TBC1D30: variants seen among roughly 807,000 people sequenced by gnomAD.
The protein encoded by TBC1D30 is TBC1 domain family member 30.
Under a neutral mutation model 63.2 loss-of-function variants are expected in TBC1D30, and 31 were observed. That is an observed-to-expected ratio of 0.49 (90% confidence interval 0.37 to 0.66). TBC1D30 has a LOEUF of 0.66. Among genes scored for constraint, TBC1D30 ranks in the 30% least tolerant of loss-of-function variants. The pLI is 0.00. For missense variants in TBC1D30, 810 were observed against 953.6 expected (o/e 0.85, Z 1.98); for synonymous variants, 307 against 361.5 (o/e 0.85, Z 1.71).
rs939078638 is a variant in TBC1D30 at position 64,843,498 on chromosome 12, C to A, written c.1038+13C>A. ...TGAACTCATGCAGGTGAGTCGGCAA[C>A]ATGGAGCAGCTTGGCTCGGGGAACC... is the stretch of plus-strand genomic sequence containing the variant. On this transcript the variant is annotated intron_variant, in intron 8 of 11. Transcript: ENST00000539867. 3.9e-6 allele frequency: 6 copies of A among 1,534,252 alleles called. No individual in the cohort carries two copies. The highest frequency in any genetic ancestry group is 2.0e-5 in the Admixed American group (1 of 50,974).
At chr12:64,832,470 G>A (rs938318198) in intron 5 of TBC1D30, among the ~76,000 whole-genome samples, 166 bp downstream of exon 5, 2 of 152,252 alleles carry the variant, frequency 1.3e-5, no homozygotes, top group East Asian at 3.8e-4. Flanking sequence ...TCAAGTGACA[G>A]ATTCATGTAG....
chr12:64,803,147 C>T (rs1872680280), intron 2 of TBC1D30, among the ~76,000 whole-genome samples: 1 of 152,226 alleles, frequency 6.6e-6, no homozygotes, highest in African/African-American at 2.4e-5. Context: ...TCCCCATCCT[C>T]TCTAGCACCT....
Position 64,828,505 on chromosome 12 carries a change from G to A in TBC1D30, c.278G>A (p.Arg93Lys). ...ACAGGAATACCAAAGGAATGGAGGA[G>A]AAAGGTAAGGAGGACTCATAGGGCT... ...LSTGIPKEWR[R>K]KVWLTLADHY... The change falls in exon 3 of 12, where the codon AGA becomes AAA. Residue 93 changes from arginine (R) to lysine (K), a missense_variant. Around this residue, in one of 4 missense-constraint regions of TBC1D30, gnomAD observed 272 missense variants for 335.9 expected, o/e 0.81. Coordinates refer to ENST00000539867, the MANE Select transcript of TBC1D30 (RefSeq NM_015279.2). The A allele has an allele frequency of 6.5e-7, 1 of 1,534,570 alleles. No individual in the cohort carries two copies. The highest frequency in any genetic ancestry group is 8.7e-7 in the Non-Finnish European group (1 of 1,145,576).
At position 64,879,200 on chromosome 12, in the gene TBC1D30, T is replaced by A. The variant is rs1191536726; in HGVS notation, c.*3412T>A. 6.6e-6 allele frequency: 1 copy of A among 152,264 alleles called. No individual in the cohort carries two copies. Among genetic ancestry groups the A allele is most frequent in the Non-Finnish European group, 1.5e-5 (1 of 68,044 alleles). 9.4% of individuals were successfully genotyped at this position (152,264 alleles called of 1,614,324 possible). A position where few individuals can be genotyped will look rare whatever the true frequency, so the allele number is the denominator to read the frequency against. On this transcript the variant is annotated 3_prime_UTR_variant, in exon 12 of 12. Transcript: ENST00000539867. ...TTGTGTATGTGTGTACACGCCATTA[T>A]CTACAAAAAAGTTATGTTGAACATG...
chr12:64,769,896 A>G (rs1870844518), intron 1 of TBC1D30, among the ~76,000 whole-genome samples: 1 of 152,206 alleles, frequency 6.6e-6, no homozygotes, highest in African/African-American at 2.4e-5. Flanking sequence ...TGTAAAGTAT[A>G]AATTGTAATT....
intron 1 of TBC1D30, among the ~76,000 whole-genome samples, chr12:64,783,051 A>C (rs1334631072): frequency 6.6e-6 from 1 of 152,222 alleles, no homozygotes. Context: ...GGCTCAAAAA[A>C]TATTCCCCCC....
upstream of TBC1D30, among the ~76,000 whole-genome samples, chr12:64,777,064 A>G (rs1871101991): frequency 6.6e-6 from 1 of 152,228 alleles, no homozygotes; most frequent in Non-Finnish European, 1.5e-5. Flanking sequence ...ACATCCATTC[A>G]TGTTAAAAAC....
rs11829183 is a variant in TBC1D30 at position 64,832,029 on chromosome 12, G to T, written c.409-90G>T. ...TAAAAAAATTTTATGTCGATGATTT[G>T]ACTCTGTTTATTGAGTCAAAAAAAA... On this transcript the variant is annotated intron_variant, in intron 4 of 11. Coordinates refer to ENST00000539867, the MANE Select transcript of TBC1D30 (RefSeq NM_015279.2). 2,905 of 1,234,524 alleles carry T rather than the reference G, an allele frequency of 2.4e-3. 71 individuals carry two copies. The African/African-American group carries it at 0.04, about 17-fold the overall frequency. The allele number at this position is 1,234,524 out of a possible 1,614,324, so 76.5% of individuals were successfully genotyped here. A position where few individuals can be genotyped will look rare whatever the true frequency, so the allele number is the denominator to read the frequency against.
At chr12:64,807,341 A>G (rs1173638812) in intron 2 of TBC1D30, among the ~76,000 whole-genome samples, 1 of 152,180 alleles carries the variant, frequency 6.6e-6, no homozygotes, top group East Asian at 1.9e-4. Flanking sequence ...TTTATAAATT[A>G]CCCAATCTCG....
At chr12:64,777,555 G>T (rs868257829), upstream of TBC1D30, among the ~76,000 whole-genome samples, 1 of 152,142 alleles carries the variant, frequency 6.6e-6, no homozygotes, top group African/African-American at 2.4e-5. Flanking sequence ...AACTAGGGAG[G>T]TAAAAGATCT....
At chr12:64,794,524 A>G (rs1872135539) in intron 2 of TBC1D30, among the ~76,000 whole-genome samples, 1 of 151,092 alleles carries the variant, frequency 6.6e-6, no homozygotes, top group Non-Finnish European at 1.5e-5. Flanking sequence ...TGCAGCCTTG[A>G]CCTCCTGGGG....
At chr12:64,859,905 C>T (rs1178946386) in intron 8 of TBC1D30, among the ~76,000 whole-genome samples, 3 of 152,044 alleles carry the variant, frequency 2.0e-5, no homozygotes, top group Non-Finnish European at 4.4e-5. Flanking sequence ...ATCCTATTTG[C>T]CCATCTGGAT....
intron 8 of TBC1D30, 91 bp from the exon 9 acceptor site, chr12:64,864,577 C>T (rs937909261): frequency 1.0e-5 from 9 of 862,642 alleles, no homozygotes; most frequent in African/African-American, 1.0e-4. Flanking sequence ...TCTTCACACT[C>T]GACTTCATAA....
intron 7 of TBC1D30, among the ~76,000 whole-genome samples, chr12:64,839,727 C>A (rs1875678916): frequency 6.6e-6 from 1 of 152,090 alleles, no homozygotes; most frequent in African/African-American, 2.4e-5. Flanking sequence ...CAACTATCGG[C>A]CGAGCGCGGT....
At chr12:64,796,711 T>A (rs555469148) in intron 2 of TBC1D30, among the ~76,000 whole-genome samples, 1 of 152,304 alleles carries the variant, frequency 6.6e-6, no homozygotes, top group South Asian at 2.1e-4. Context: ...TTAGAGACTA[T>A]ATCTTTCAAA....
chr12:64,873,722 G>A (rs557179298), intron 11 of TBC1D30, among the ~76,000 whole-genome samples: 5 of 152,314 alleles, frequency 3.3e-5, no homozygotes, highest in African/African-American at 1.2e-4. Context: ...GGATGGAACT[G>A]GAGAGGTTGA....
In TBC1D30 at chr12:64,877,103, G is replaced by A; in HGVS notation, c.*1315G>A. On this transcript the variant is annotated 3_prime_UTR_variant, in exon 12 of 12. Transcript: ENST00000539867. ...GACTCAAAGGACCTGTCTCCAGATG[G>A]TACAGAGTCCCTTGATGGCATTTTA... The A allele has an allele frequency of 6.2e-6, 2 of 323,924 alleles. No homozygotes were observed. The highest frequency in any genetic ancestry group is 1.2e-5 in the Non-Finnish European group (2 of 162,830). 20.1% of individuals were successfully genotyped at this position (323,924 alleles called of 1,614,324 possible).
chr12:64,789,222 G>A (rs1390241355), intron 2 of TBC1D30, among the ~76,000 whole-genome samples: 7 of 133,090 alleles, frequency 5.3e-5, no homozygotes, highest in African/African-American at 1.7e-4. Context: ...TCACTCTGTC[G>A]CCCAGGCCCA....
upstream of TBC1D30, among the ~76,000 whole-genome samples, chr12:64,778,630 C>A (rs1412763039): frequency 6.9e-6 from 1 of 145,858 alleles, no homozygotes; most frequent in Non-Finnish European, 1.5e-5. Flanking sequence ...GATCTCGGCT[C>A]ACTGCAACCT....
Sources: allele counts gnomAD v4.1 joint callset (sites outside exome capture counted in the v4.1 genomes callset), GRCh38; gene constraint gnomAD v4.1.1; regional missense constraint gnomAD v4.1.1; transcripts MANE v1.5; gene names NCBI Gene and HGNC (gene_info 2026-07-23, HGNC 2026-07-21).